The following USP34 variants were observed in gnomAD, a reference collection of about 807,000 sequenced individuals.
USP34 encodes ubiquitin carboxyl-terminal hydrolase 34.
Under a neutral mutation model 460.3 loss-of-function variants are expected in USP34, and 70 were observed. That is an observed-to-expected ratio of 0.15 (90% CI 0.13 to 0.19). The LOEUF is 0.19. USP34 is among the 10% of genes least tolerant of loss of function. The pLI, the probability that USP34 is intolerant of heterozygous loss-of-function variation, is 1.00. For synonymous variants in USP34, 1,647 were observed against 1,405.3 expected (o/e 1.17, Z -3.85); for missense variants, 3,985 against 4,236.2 (o/e 0.94, Z 1.65).
chr2:61,330,173 T>C (rs1362032649), intron 20 of USP34, among the ~76,000 whole-genome samples: 2 of 152,224 alleles, frequency 1.3e-5, no homozygotes, highest in Admixed American at 6.5e-5. Context: ...TCTTTGTGTG[T>C]GACGTTGGAC....
chr2:61,392,132 T>G (rs10190332), intron 5 of USP34, among the ~76,000 whole-genome samples: 56,949 of 151,898 alleles, frequency 0.37, 10,719 homozygotes, highest in Admixed American at 0.41. Flanking sequence ...AAGGATAACT[T>G]CACAGGTTGG....
Position 61,462,240 on chromosome 2 carries a change from AG to A in USP34, c.43+8409del, listed in dbSNP as rs77766479. On this transcript the variant is annotated intron_variant, in intron 1 of 79. Transcript: ENST00000398571. The stretch of plus-strand genomic sequence containing the variant: ...GGGCAACAGAACAAGACTCCATCTC[AG>A]GGGGAAAAAAAAAAAAAAGAAAATC... 2.3e-3 allele frequency among the ~76,000 whole-genome samples: 325 copies of A among 141,736 alleles called. 2 individuals are homozygous for A. Among genetic ancestry groups the A allele is most frequent in the Middle Eastern group, 0.02 (5 of 246 alleles). 93.0% of individuals were successfully genotyped at this position (141,736 alleles called of 152,430 possible). A position where few individuals can be genotyped will look rare whatever the true frequency, so the allele number is the denominator to read the frequency against.
At chr2:61,450,476 C>T (rs1695238878) in intron 1 of USP34, among the ~76,000 whole-genome samples, 1 of 151,962 alleles carries the variant, frequency 6.6e-6, no homozygotes, top group Admixed American at 6.6e-5. Flanking sequence ...ATTTTCGCAC[C>T]AACCCAATAG....
chr2:61,353,036 T>C (rs1026680818), intron 10 of USP34, among the ~76,000 whole-genome samples: 1 of 152,214 alleles, frequency 6.6e-6, no homozygotes, highest in Non-Finnish European at 1.5e-5. Flanking sequence ...TCCAATGCCA[T>C]AGCTGCTACT....
chr2:61,355,706 CACT>C (rs1425905098), intron 10 of USP34, among the ~76,000 whole-genome samples: 1 of 151,988 alleles, frequency 6.6e-6, no homozygotes, highest in Non-Finnish European at 1.5e-5. Context: ...GGCAGAAAAA[CACT>C]ACAAGACATA....
At chr2:61,204,446 G>A in intron 73 of USP34, 51 bp downstream of exon 73, 1 of 1,613,044 alleles carries the variant, frequency 6.2e-7, no homozygotes, top group Non-Finnish European at 8.5e-7. Flanking sequence ...TCAGTGTGCA[G>A]AACGATTAAA....
At chr2:61,430,173 C>T (rs1212024986) in intron 1 of USP34, among the ~76,000 whole-genome samples, 1 of 151,228 alleles carries the variant, frequency 6.6e-6, no homozygotes, top group East Asian at 1.9e-4. Flanking sequence ...CAAGATCGTG[C>T]CACTGCACTC....
chr2:61,340,076 T>A (rs938327042), intron 16 of USP34, among the ~76,000 whole-genome samples: 1 of 152,186 alleles, frequency 6.6e-6, no homozygotes, highest in East Asian at 1.9e-4. Context: ...TAGTGATTAA[T>A]ATTTTCACAT....
chr2:61,319,073 A>G, intron 22 of USP34, 100 bp downstream of exon 22: 1 of 1,249,182 alleles, frequency 8.0e-7, no homozygotes, highest in African/African-American at 1.6e-5. Flanking sequence ...GGCTACTTAA[A>G]AAAACTGTCA....
At chr2:61,302,181 GATGAATAATTTA>G (rs1316278022) in intron 27 of USP34, among the ~76,000 whole-genome samples, 10 of 152,138 alleles carry the variant, frequency 6.6e-5, no homozygotes, top group Admixed American at 3.9e-4. Flanking sequence ...TTAAATGTCT[GATGAATAATTTA>G]AACTTTAAAA....
intron 21 of USP34, among the ~76,000 whole-genome samples, chr2:61,319,800 G>A (rs1690860314): frequency 1.3e-5 from 2 of 151,952 alleles, no homozygotes; most frequent in African/African-American, 4.8e-5. Flanking sequence ...ATACAAGATC[G>A]GCCACTGCAC....
intron 1 of USP34, among the ~76,000 whole-genome samples, chr2:61,439,321 C>A (rs1029076229): frequency 3.3e-5 from 5 of 152,088 alleles, no homozygotes; most frequent in Non-Finnish European, 7.4e-5. Flanking sequence ...GACCCTCATG[C>A]CCTGTGCTGG....
chr2:61,296,131 G>C (rs1258132036), intron 30 of USP34, among the ~76,000 whole-genome samples: 1 of 151,976 alleles, frequency 6.6e-6, no homozygotes, highest in Non-Finnish European at 1.5e-5. Context: ...TGGTGCACAC[G>C]CCTATGGTCT....
At position 61,385,683 on chromosome 2, in the gene USP34, A is replaced by G. The variant is rs536218676; in HGVS notation, c.754-2347T>C. Among the ~76,000 whole-genome samples the G allele has an allele frequency of 2.7e-4, 40 of 147,472 alleles. 1 individual carries two copies. In the South Asian group the frequency reaches 8.3e-3, roughly 31 times the overall value. On this transcript the variant is annotated intron_variant, in intron 5 of 79. Coordinates refer to ENST00000398571, the MANE Select transcript of USP34 (RefSeq NM_014709.4). ...CAAGACTCTGTCTCAAAAAAAAAAA[A>G]AAAAAAAAAAAGAAATACGACAAGG...
At position 61,399,305 on chromosome 2, in the gene USP34, C is replaced by T. The variant is rs567305942; in HGVS notation, c.553-4072G>A. Among the ~76,000 whole-genome samples, 5 of 150,096 alleles carry T rather than the reference C, an allele frequency of 3.3e-5. No individual in the cohort carries two copies. In the East Asian group the frequency reaches 5.9e-4, roughly 18 times the overall value. On this transcript the variant is annotated intron_variant, in intron 3 of 79. Coordinates refer to ENST00000398571, the MANE Select transcript of USP34 (RefSeq NM_014709.4). ...TTGCAGTGAGCTGTTATCATGCCAC[C>T]GCACTCCAGCCTGGGCAACAGGATC...
Position 61,405,943 on chromosome 2 carries a change from T to G in USP34, c.317A>C (p.Asn106Thr). The G allele has an allele frequency of 6.2e-7, 1 of 1,613,788 alleles. No individual in the cohort carries two copies. The highest frequency in any genetic ancestry group is 8.5e-7 in the Non-Finnish European group (1 of 1,179,958). Residue 106 changes from asparagine to threonine, a missense_variant, in exon 3 of 80, where the codon AAT (asparagine) becomes ACT (threonine). This residue lies in a region of USP34 where 331 missense variants were observed against 293.7 expected (regional missense o/e 1.13). Transcript: ENST00000398571. ...DESNQAEEPL[N>T]IDRECNEGST... ...TCCTTCATTACACTCTCTATCTATA[T>G]TCAGTGGTTCTTCTGCTTGATTACT...
At chr2:61,361,963 C>A (rs1692288649) in intron 10 of USP34, among the ~76,000 whole-genome samples, 1 of 150,644 alleles carries the variant, frequency 6.6e-6, no homozygotes, top group African/African-American at 2.4e-5. Context: ...AACTCAATAG[C>A]AAAAAAATAA....
chr2:61,213,868 T>G (rs1306621934), intron 68 of USP34, among the ~76,000 whole-genome samples, 192 bp downstream of exon 68: 3 of 151,658 alleles, frequency 2.0e-5, no homozygotes, highest in Non-Finnish European at 2.9e-5. Context: ...CTAAGAAAAG[T>G]TATCTACACA....
At chr2:61,219,613 G>T (rs946641954) in intron 67 of USP34, among the ~76,000 whole-genome samples, 1 of 151,272 alleles carries the variant, frequency 6.6e-6, no homozygotes, top group Non-Finnish European at 1.5e-5. Context: ...AGAGGTTGCA[G>T]TGTGCTGAGA....
Sources: gnomAD v4.1 joint callset for allele counts (sites outside exome capture counted in the v4.1 genomes callset) on GRCh38, gnomAD v4.1.1 for gene constraint, gnomAD v4.1.1 regional missense constraint, MANE v1.5 for transcripts, NCBI Gene and HGNC (gene_info 2026-07-23, HGNC 2026-07-21) for gene names.